Variants in UNC13C observed in about 807,000 individuals in gnomAD.
The protein encoded by UNC13C is protein unc-13 homolog C.
Under a neutral mutation model 245.4 loss-of-function variants are expected in UNC13C, and 174 were observed. The ratio of observed to expected loss-of-function variants is 0.71; its 90% CI spans 0.63 to 0.80. The LOEUF is 0.80. Ranked by LOEUF, UNC13C falls within the 30% of genes least tolerant of loss-of-function variation. UNC13C has a pLI of 0.00. For missense variants in UNC13C, 2,829 were observed against 2,602.9 expected, an observed-to-expected ratio of 1.09 and a Z score of -1.89; for synonymous variants, 992 against 895.1, an observed-to-expected ratio of 1.11 and a Z score of -1.93.
At chr15:54,566,589 G>C (rs539840595) in intron 29 of UNC13C, among the ~76,000 whole-genome samples, 4 of 150,922 alleles carry the variant, frequency 2.7e-5, no homozygotes, top group African/African-American at 9.9e-5. Flanking sequence ...ATCTATAATT[G>C]TACCAGTGTT....
intron 17 of UNC13C, among the ~76,000 whole-genome samples, chr15:54,359,182 G>A (rs1342453528): frequency 1.3e-5 from 2 of 151,728 alleles, no homozygotes; most frequent in African/African-American, 4.8e-5. Context: ...ATTCCATTTG[G>A]TAATAATGAA....
intron 4 of UNC13C, among the ~76,000 whole-genome samples, chr15:54,179,045 G>T (rs770132334): frequency 6.6e-6 from 1 of 152,108 alleles, no homozygotes; most frequent in Non-Finnish European, 1.5e-5. Flanking sequence ...CGAAGAGGAA[G>T]CTTGGAACAT....
At chr15:54,144,199 A>T (rs2032154959) in intron 4 of UNC13C, among the ~76,000 whole-genome samples, 1 of 152,202 alleles carries the variant, frequency 6.6e-6, no homozygotes, top group Admixed American at 6.6e-5. Context: ...TATGTAAAAA[A>T]TTCAAGCAGC....
intron 25 of UNC13C, among the ~76,000 whole-genome samples, chr15:54,531,470 C>A (rs1160310858): frequency 6.6e-6 from 1 of 152,078 alleles, no homozygotes; most frequent in Non-Finnish European, 1.5e-5. Flanking sequence ...GTCTGAAATT[C>A]AAATTTAACT....
chr15:54,450,600 G>A (rs8033564), intron 19 of UNC13C, among the ~76,000 whole-genome samples: 57,712 of 152,120 alleles, frequency 0.38, 11,241 homozygotes, highest in East Asian at 0.62. Context: ...CTGGCATGCC[G>A]TTTGTTAAGA....
At chr15:53,916,426 G>C in the UNC13C span, among the ~76,000 whole-genome samples, 2 of 152,144 alleles carry the variant, frequency 1.3e-5, no homozygotes, top group African/African-American at 2.4e-5. Flanking sequence ...TTGTGCATTT[G>C]AATCAATAGA....
At chr15:53,956,783 G>A in the UNC13C span, among the ~76,000 whole-genome samples, 11 of 151,642 alleles carry the variant, frequency 7.3e-5, no homozygotes, top group African/African-American at 2.4e-4. Context: ...GAAATAGAAC[G>A]GAGAGAAGGA....
At chr15:53,842,431 G>A in the UNC13C span, among the ~76,000 whole-genome samples, 1 of 152,140 alleles carries the variant, frequency 6.6e-6, no homozygotes, top group Admixed American at 6.6e-5. Context: ...GGCTGACAAT[G>A]TCCTAAGATC....
In UNC13C at chr15:54,241,673, A is replaced by G. The variant is rs141235491; in HGVS notation, c.3228+3983A>G. 7.6e-3 allele frequency among the ~76,000 whole-genome samples: 1,156 copies of G among 152,384 alleles called. 12 individuals carry two copies. Among genetic ancestry groups the G allele is most frequent in the Non-Finnish European group, 0.013 (903 of 68,040 alleles). ...TTGTGAGAATTAAAAGAAATAGCTT[A>G]TGTAGAAAGCTCTTTGTTTAGTCAA... is the stretch of plus-strand genomic sequence containing the variant. On this transcript the variant is annotated intron_variant, in intron 7 of 32. Transcript: ENST00000260323.
chr15:54,553,248 A>G (rs1896931348), intron 28 of UNC13C, among the ~76,000 whole-genome samples: 1 of 107,050 alleles, frequency 9.3e-6, no homozygotes, highest in Non-Finnish European at 1.7e-5. Context: ...ATTACAATAT[A>G]TATTATATAT....
At chr15:54,552,004 T>C (rs1181732804) in intron 28 of UNC13C, among the ~76,000 whole-genome samples, 1 of 151,270 alleles carries the variant, frequency 6.6e-6, no homozygotes. Context: ...GCTGAAAAGG[T>C]GCTATTTGAA....
the UNC13C span, among the ~76,000 whole-genome samples, chr15:53,887,004 T>C: frequency 6.6e-6 from 1 of 152,154 alleles, no homozygotes; most frequent in Non-Finnish European, 1.5e-5. Context: ...CATGGAATTA[T>C]GACAACTAAA....
At chr15:54,275,942 G>A (rs949189767) in intron 10 of UNC13C, among the ~76,000 whole-genome samples, 6 of 152,094 alleles carry the variant, frequency 3.9e-5, no homozygotes, top group African/African-American at 1.2e-4. Flanking sequence ...CTAGTTAATA[G>A]TGAAAAGGAA....
At chr15:54,168,589 A>C (rs2033271537) in intron 4 of UNC13C, among the ~76,000 whole-genome samples, 1 of 152,142 alleles carries the variant, frequency 6.6e-6, no homozygotes, top group Non-Finnish European at 1.5e-5. Context: ...GTTTTTGGCC[A>C]CGGTCATTTT....
At chr15:53,971,090 A>G in the UNC13C span, among the ~76,000 whole-genome samples, 1 of 152,126 alleles carries the variant, frequency 6.6e-6, no homozygotes, top group Non-Finnish European at 1.5e-5. Context: ...TTTGATACGC[A>G]TTTCTCTAAT....
At chr15:54,247,529 T>C (rs1009044395) in intron 7 of UNC13C, among the ~76,000 whole-genome samples, 6 of 152,214 alleles carry the variant, frequency 3.9e-5, no homozygotes, top group African/African-American at 1.4e-4. Flanking sequence ...ATGGCATTTA[T>C]TTCAGAGTAA....
rs374537634 is a variant in UNC13C at position 54,300,221 on chromosome 15, T to C, written c.4116T>C (p.His1372=). ...CCACTTGCTTTTAGAATCTGTTCCA[T>C]TACTTGACTGAAGTGAAATCTAATG... is the stretch of plus-strand genomic sequence containing the variant. ...QYTCLHENLF[H]YLTEVKSNGG... is the part of the protein sequence containing the mutation. The change falls in exon 13 of 33, where the codon CAT becomes CAC. Residue 1372 remains histidine (H), a synonymous_variant. Coordinates refer to ENST00000260323, the MANE Select transcript of UNC13C (RefSeq NM_001080534.3). 5 of 1,599,650 alleles carry C rather than the reference T, an allele frequency of 3.1e-6. No homozygotes were observed. The African/African-American group carries it at 5.4e-5, about 17-fold the overall frequency.
chr15:54,034,534 A>G (rs1896492835), intron 2 of UNC13C, among the ~76,000 whole-genome samples: 1 of 152,210 alleles, frequency 6.6e-6, no homozygotes, highest in Admixed American at 6.5e-5. Context: ...CAATAATTCT[A>G]AATTTTTGAG....
chr15:54,044,174 G>C (rs567417837), intron 2 of UNC13C, among the ~76,000 whole-genome samples: 1 of 152,222 alleles, frequency 6.6e-6, no homozygotes, highest in African/African-American at 2.4e-5. Context: ...AATAATGTAA[G>C]ATGTAGCCTT....
Sources: gnomAD v4.1 joint callset for allele counts (sites outside exome capture counted in the v4.1 genomes callset) on GRCh38, gnomAD v4.1.1 for gene constraint, MANE v1.5 for transcripts, NCBI Gene and HGNC (gene_info 2026-07-23, HGNC 2026-07-21) for gene names.